Variants in NELL1 observed in about 807,000 individuals in gnomAD.
NELL1 encodes the protein neural EGFL like 1, also known as protein kinase C-binding protein NELL1.
In NELL1, 76 loss-of-function variants were observed where a neutral mutation model predicts 107.4. The observed-to-expected ratio is 0.71, with a 90% CI of 0.59 to 0.86. The LOEUF (loss-of-function observed/expected upper bound fraction) is 0.86, where lower values mean the gene tolerates loss of function less well. Among genes scored for constraint, NELL1 ranks in the 40% least tolerant of loss-of-function variants. The pLI is 0.00. For missense variants in NELL1, 1,024 were observed against 1,005.5 expected (o/e 1.02, Z -0.25); for synonymous variants, 353 against 341.2 (o/e 1.03, Z -0.38).
chr11:21,309,021 T>TAAAAA (rs1849668795), intron 14 of NELL1, among the ~76,000 whole-genome samples: 1 of 151,806 alleles, frequency 6.6e-6, no homozygotes, highest in Non-Finnish European at 1.5e-5. Flanking sequence ...GGGAAACACT[T>TAAAAA]ATTTGAGCCA....
At chr11:20,787,821 C>G (rs1025476328) in intron 3 of NELL1, among the ~76,000 whole-genome samples, 4 of 152,170 alleles carry the variant, frequency 2.6e-5, no homozygotes, top group African/African-American at 9.7e-5. Context: ...GCTCATTACC[C>G]TCAAAAGAAA....
chr11:20,907,584 G>C (rs1295063648), intron 5 of NELL1, among the ~76,000 whole-genome samples: 4 of 152,064 alleles, frequency 2.6e-5, no homozygotes, highest in African/African-American at 9.7e-5. Flanking sequence ...AGAAAATAAG[G>C]GGAAAATAAG....
chr11:21,197,265 T>A (rs1424831276), intron 13 of NELL1, among the ~76,000 whole-genome samples: 1 of 151,950 alleles, frequency 6.6e-6, no homozygotes, highest in Non-Finnish European at 1.5e-5. Flanking sequence ...CATGAGTAAG[T>A]TCACAGTCAT....
intron 15 of NELL1, among the ~76,000 whole-genome samples, chr11:21,394,688 A>G (rs1008036362): frequency 2.6e-5 from 4 of 151,538 alleles, no homozygotes; most frequent in Non-Finnish European, 5.9e-5. Context: ...GCTAATAAAC[A>G]CATAGCTGAA....
At chr11:20,692,443 C>A (rs1424948761) in intron 2 of NELL1, among the ~76,000 whole-genome samples, 27 of 151,340 alleles carry the variant, frequency 1.8e-4, no homozygotes, top group Admixed American at 7.9e-4. Flanking sequence ...ATTTCCCTCT[C>A]CACACTGCTT....
intron 9 of NELL1, among the ~76,000 whole-genome samples, chr11:20,936,796 G>T (rs1850735497): frequency 1.3e-5 from 2 of 152,104 alleles, no homozygotes; most frequent in South Asian, 4.1e-4. Flanking sequence ...AGAATCAGAG[G>T]GTTTTATAAC....
chr11:21,089,425 T>G (rs1346629957), intron 12 of NELL1, among the ~76,000 whole-genome samples: 1 of 152,202 alleles, frequency 6.6e-6, no homozygotes, highest in East Asian at 1.9e-4. Context: ...TCTTCTCCCC[T>G]GTGGTGCATG....
intron 12 of NELL1, among the ~76,000 whole-genome samples, chr11:20,988,400 T>A: frequency 6.6e-6 from 1 of 150,956 alleles, no homozygotes; most frequent in East Asian, 2.0e-4. Context: ...TATATATACA[T>A]ATCTATATAT....
intron 3 of NELL1, among the ~76,000 whole-genome samples, chr11:20,803,513 CT>C (rs1219505772): frequency 1.3e-5 from 2 of 152,062 alleles, no homozygotes; most frequent in Non-Finnish European, 2.9e-5. Flanking sequence ...TTTCATTGAT[CT>C]TTTGTATTGT....
chr11:20,755,552 TTTTGTTTTTG>T lies in NELL1; in HGVS notation c.185-28124_185-28115del, dbSNP rs1564895025. 8.9e-3 allele frequency among the ~76,000 whole-genome samples: 369 copies of T among 41,462 alleles called. 5 individuals are homozygous for T. The highest frequency in any genetic ancestry group is 0.017 in the Middle Eastern group (1 of 58). The allele number at this position is 41,462 out of a possible 152,430, so 27.2% of individuals were successfully genotyped here. A position where few individuals can be genotyped will look rare whatever the true frequency, so the allele number is the denominator to read the frequency against. ...TGTGTGGGTTTTTGTTTTTTTTTGT[TTTTGTTTTTG>T]TTTTTTTTTTTTTGAGACAGAATCT... On this transcript the variant is annotated intron_variant, in intron 2 of 19. Transcript: ENST00000357134.
At chr11:20,924,678 G>C (rs1165928193) in intron 7 of NELL1, among the ~76,000 whole-genome samples, 1 of 152,160 alleles carries the variant, frequency 6.6e-6, no homozygotes, top group African/African-American at 2.4e-5. Context: ...CAGATTTTCA[G>C]AGTAAGGCAC....
intron 15 of NELL1, among the ~76,000 whole-genome samples, chr11:21,468,594 A>ATAAC (rs1439653560): frequency 2.6e-5 from 4 of 152,068 alleles, no homozygotes; most frequent in Non-Finnish European, 5.9e-5. Context: ...TGTCATTTCA[A>ATAAC]TAACAAGTTA....
chr11:20,829,553 C>T lies in NELL1; in HGVS notation c.336-18030C>T, dbSNP rs1006317442. ...CTGCAGGACTATTAATCAAATTCCA[C>T]ATCTTGTTTGAATTTTGCCAGGTTT... On this transcript the variant is annotated intron_variant, in intron 3 of 19. Coordinates refer to ENST00000357134, the MANE Select transcript of NELL1 (RefSeq NM_006157.5). 7.2e-5 allele frequency among the ~76,000 whole-genome samples: 11 copies of T among 151,940 alleles called. No homozygotes were observed. In the East Asian group the frequency reaches 1.7e-3, roughly 24 times the overall value.
chr11:21,290,593 G>T (rs1849234469), intron 14 of NELL1, among the ~76,000 whole-genome samples: 1 of 152,068 alleles, frequency 6.6e-6, no homozygotes, highest in African/African-American at 2.4e-5. Flanking sequence ...ATACAGGAAA[G>T]CTCTGGCTGG....
At chr11:21,495,411 T>C (rs914238988) in intron 15 of NELL1, among the ~76,000 whole-genome samples, 7 of 152,172 alleles carry the variant, frequency 4.6e-5, no homozygotes, top group African/African-American at 1.7e-4. Context: ...CATCAGTTTA[T>C]AGACATTAGG....
chr11:21,532,419 G>A (rs1013239466), intron 15 of NELL1, among the ~76,000 whole-genome samples: 22 of 152,308 alleles, frequency 1.4e-4, no homozygotes, highest in African/African-American at 5.3e-4. Context: ...TGAATTTAGG[G>A]CTGAAGGAGT....
chr11:21,253,240 T>A (rs529619760), intron 14 of NELL1, among the ~76,000 whole-genome samples: 1 of 152,208 alleles, frequency 6.6e-6, no homozygotes, highest in Admixed American at 6.5e-5. Context: ...TTCTTGGAAA[T>A]CTTTTCTTTA....
intron 15 of NELL1, among the ~76,000 whole-genome samples, chr11:21,513,593 A>G (rs895379653): frequency 3.9e-5 from 6 of 152,224 alleles, no homozygotes; most frequent in African/African-American, 1.4e-4. Context: ...ACTCTGAGTC[A>G]GTCAGAGATT....
intron 18 of NELL1, 80 bp from the exon 19 acceptor site, chr11:21,573,105 T>G (rs1334160801): frequency 9.5e-7 from 1 of 1,054,268 alleles, no homozygotes; most frequent in Non-Finnish European, 1.4e-6. Context: ...ATTACTGTGC[T>G]CTCTTTCCCC....
Sources: allele counts gnomAD v4.1 joint callset (sites outside exome capture counted in the v4.1 genomes callset), GRCh38; gene constraint gnomAD v4.1.1; transcripts MANE v1.5; gene names NCBI Gene and HGNC (gene_info 2026-07-23, HGNC 2026-07-21).